Variants in SGCZ observed in about 807,000 individuals in gnomAD.
SGCZ encodes zeta-sarcoglycan.
SGCZ carries 40 observed loss-of-function variants against 41.3 expected under a neutral mutation model. The observed-to-expected ratio is 0.97, with a 90% CI of 0.75 to 1.26. The LOEUF (loss-of-function observed/expected upper bound fraction) is 1.26. SGCZ is among the 50% of genes most tolerant of loss of function. SGCZ has a pLI of 0.00. For synonymous variants in SGCZ, 206 were observed against 137.5 expected (o/e 1.50, Z -3.49); for missense variants, 552 against 369.8 (o/e 1.49, Z -4.04).
chr8:14,729,300 A>T (rs1810156983), intron 1 of SGCZ, among the ~76,000 whole-genome samples: 1 of 152,206 alleles, frequency 6.6e-6, no homozygotes, highest in African/African-American at 2.4e-5. Flanking sequence ...GGACCACATG[A>T]ATGAACCTTT....
At chr8:14,348,920 G>C (rs981435795) in intron 2 of SGCZ, among the ~76,000 whole-genome samples, 6 of 151,972 alleles carry the variant, frequency 3.9e-5, no homozygotes, top group South Asian at 2.1e-4. Flanking sequence ...CGCAGCAATG[G>C]AAAGTATATA....
chr8:14,472,958 C>A (rs1480973622), intron 2 of SGCZ, among the ~76,000 whole-genome samples: 1 of 152,074 alleles, frequency 6.6e-6, no homozygotes, highest in Admixed American at 6.6e-5. Flanking sequence ...TCAAGAACTG[C>A]AAGACCCGGT....
At chr8:15,062,514 A>T (rs996725175) in intron 1 of SGCZ, among the ~76,000 whole-genome samples, 9 of 152,208 alleles carry the variant, frequency 5.9e-5, no homozygotes, top group African/African-American at 2.2e-4. Flanking sequence ...GAAATAGTCA[A>T]GTAGTCATTT....
chr8:15,000,714 T>G (rs533115368), intron 1 of SGCZ, among the ~76,000 whole-genome samples: 119 of 152,268 alleles, frequency 7.8e-4, no homozygotes, highest in African/African-American at 2.3e-3. Flanking sequence ...CCACACTATG[T>G]AAACAATATA....
At chr8:14,999,516 C>G (rs1048424762) in intron 1 of SGCZ, among the ~76,000 whole-genome samples, 69 of 152,204 alleles carry the variant, frequency 4.5e-4, no homozygotes, top group African/African-American at 1.6e-3. Flanking sequence ...ATGGCACATA[C>G]AGAGGATGCT....
intron 2 of SGCZ, among the ~76,000 whole-genome samples, chr8:14,335,465 C>A (rs1432254161): frequency 6.6e-6 from 1 of 152,032 alleles, no homozygotes; most frequent in African/African-American, 2.4e-5. Flanking sequence ...CTGGTAATCA[C>A]CCATTTGGAA....
At chr8:14,573,125 A>G (rs758539557) in intron 1 of SGCZ, among the ~76,000 whole-genome samples, 3 of 151,996 alleles carry the variant, frequency 2.0e-5, no homozygotes, top group African/African-American at 4.8e-5. Context: ...CAGATAGCAA[A>G]TAAGCATAAC....
Position 14,673,552 on chromosome 8 carries a change from C to A in SGCZ, c.40-118626G>T, listed in dbSNP as rs59633649. The stretch of plus-strand genomic sequence containing the variant: ...TGATTGTAAGTTTCCTGAGGCCTCC[C>A]AATCCATGTGGAACTGTGAGTCAAT... On this transcript the variant is annotated intron_variant, in intron 1 of 7. Coordinates refer to ENST00000382080, the MANE Select transcript of SGCZ (RefSeq NM_139167.4). 4.0e-3 allele frequency among the ~76,000 whole-genome samples: 611 copies of A among 152,144 alleles called. 2 individuals carry two copies. The highest frequency in any genetic ancestry group is 0.014 in the African/African-American group (579 of 41,504).
At chr8:14,762,643 G>GA (rs996705746) in intron 1 of SGCZ, among the ~76,000 whole-genome samples, 4 of 151,982 alleles carry the variant, frequency 2.6e-5, no homozygotes, top group Non-Finnish European at 5.9e-5. Flanking sequence ...ATGACAACAT[G>GA]AAAAAAATCT....
intron 2 of SGCZ, among the ~76,000 whole-genome samples, chr8:14,384,878 C>CTTA (rs1190552806): frequency 2.6e-5 from 4 of 152,184 alleles, no homozygotes; most frequent in Non-Finnish European, 5.9e-5. Flanking sequence ...ATTGGCAATT[C>CTTA]TTATTTGTAA....
chr8:14,295,338 G>A (rs1459494835), intron 3 of SGCZ, among the ~76,000 whole-genome samples: 1 of 152,086 alleles, frequency 6.6e-6, no homozygotes, highest in Non-Finnish European at 1.5e-5. Flanking sequence ...CAGTCTCAAA[G>A]GCTACCTACT....
intron 1 of SGCZ, among the ~76,000 whole-genome samples, chr8:14,624,975 T>G (rs1057125817): frequency 3.9e-5 from 6 of 152,148 alleles, no homozygotes; most frequent in African/African-American, 1.4e-4. Context: ...ATATGGTCAT[T>G]CACCACACAT....
intron 1 of SGCZ, among the ~76,000 whole-genome samples, chr8:14,922,260 G>A (rs1799610003): frequency 1.3e-5 from 2 of 151,804 alleles, no homozygotes; most frequent in African/African-American, 4.8e-5. Context: ...ACTTATTCTT[G>A]GGCTAACCAT....
At chr8:14,762,396 C>A (rs1189932242) in intron 1 of SGCZ, among the ~76,000 whole-genome samples, 1 of 152,132 alleles carries the variant, frequency 6.6e-6, no homozygotes, top group Non-Finnish European at 1.5e-5. Context: ...CATTCAATCT[C>A]ACTAAGCCTC....
chr8:14,653,947 T>A (rs1177100983), intron 1 of SGCZ, among the ~76,000 whole-genome samples: 1 of 152,132 alleles, frequency 6.6e-6, no homozygotes, highest in Non-Finnish European at 1.5e-5. Flanking sequence ...GACAGATTTG[T>A]TTTTGTCCAA....
chr8:14,663,949 A>G (rs188731479), intron 1 of SGCZ, among the ~76,000 whole-genome samples: 1 of 152,142 alleles, frequency 6.6e-6, no homozygotes. Flanking sequence ...AGCGGCTTAG[A>G]CACTTAGCTG....
chr8:14,987,206 C>T (rs867869758), intron 1 of SGCZ, among the ~76,000 whole-genome samples: 1 of 151,450 alleles, frequency 6.6e-6, no homozygotes, highest in African/African-American at 2.4e-5. Flanking sequence ...TAAAATAGCA[C>T]CAAAAAGTAC....
intron 1 of SGCZ, among the ~76,000 whole-genome samples, chr8:14,713,686 G>A (rs1211043960): frequency 1.4e-5 from 2 of 138,852 alleles, no homozygotes; most frequent in East Asian, 2.1e-4. Context: ...AATAACCCCT[G>A]CCGCAAAAGA....
intron 1 of SGCZ, among the ~76,000 whole-genome samples, chr8:15,219,241 T>C (rs966451516): frequency 1.3e-5 from 2 of 152,162 alleles, no homozygotes; most frequent in Non-Finnish European, 2.9e-5. Context: ...TACATGTGGA[T>C]TACTCTCATG....
Sources: gnomAD v4.1 joint callset for allele counts (sites outside exome capture counted in the v4.1 genomes callset) on GRCh38, gnomAD v4.1.1 for gene constraint, MANE v1.5 for transcripts, NCBI Gene and HGNC (gene_info 2026-07-23, HGNC 2026-07-21) for gene names.